Variants in SLCO4C1 observed in about 807,000 individuals in gnomAD.
SLCO4C1 encodes organic anion transporter M1.
SLCO4C1 carries 58 observed loss-of-function variants against 72.1 expected under a neutral mutation model. That is an observed-to-expected ratio of 0.80 (90% CI 0.65 to 1.00). The LOEUF (loss-of-function observed/expected upper bound fraction) is 1.00. Among genes scored for constraint, SLCO4C1 ranks in the 50% least tolerant of loss-of-function variants. The probability of loss-of-function intolerance (pLI) is 0.00; values close to 1 mark genes in which losing one functional copy is unlikely to be tolerated. For missense variants in SLCO4C1, 898 were observed against 857.9 expected, an observed-to-expected ratio of 1.05 and a Z score of -0.58; for synonymous variants, 297 against 312.5, an observed-to-expected ratio of 0.95 and a Z score of 0.52.
At chr5:102,289,780 C>T (rs1749520680) in intron 2 of SLCO4C1, among the ~76,000 whole-genome samples, 1 of 152,188 alleles carries the variant, frequency 6.6e-6, no homozygotes, top group Non-Finnish European at 1.5e-5. Flanking sequence ...TTCTCCTTAT[C>T]TTATTCATTC....
intron 2 of SLCO4C1, among the ~76,000 whole-genome samples, chr5:102,288,316 T>C (rs1314504974): frequency 6.6e-6 from 1 of 152,202 alleles, no homozygotes; most frequent in African/African-American, 2.4e-5. Context: ...TTCCACCTTC[T>C]AGTAAAAACG....
At chr5:102,244,744 T>C (rs1748607040) in intron 10 of SLCO4C1, among the ~76,000 whole-genome samples, 1 of 152,144 alleles carries the variant, frequency 6.6e-6, no homozygotes, top group Admixed American at 6.5e-5. Context: ...CAAGTCATAT[T>C]TAAAATGCTG....
rs1407914440 is a variant in SLCO4C1, at chr5:102,234,536, G to A, written c.*2322C>T. On this transcript the variant is annotated 3_prime_UTR_variant, in exon 13 of 13. Coordinates refer to ENST00000310954, the MANE Select transcript of SLCO4C1 (RefSeq NM_180991.5). ...AACTGAGTATATAAAATACAATGCA[G>A]CCCTTGATAGCTAAGAATCTTTATA... 6.6e-6 allele frequency: 1 copy of A among 152,376 alleles called. No homozygotes were observed. The highest frequency in any genetic ancestry group is 6.5e-5 in the Admixed American group (1 of 15,272). The allele number at this position is 152,376 out of a possible 1,614,324, so 9.4% of individuals were successfully genotyped here.
intron 1 of SLCO4C1, among the ~76,000 whole-genome samples, chr5:102,292,649 A>G (rs1413421484): frequency 2.0e-5 from 3 of 151,920 alleles, no homozygotes; most frequent in African/African-American, 4.8e-5. Flanking sequence ...AGAAAAAAAC[A>G]TATATTTATT....
chr5:102,256,944 A>C (rs1748846961), intron 8 of SLCO4C1, among the ~76,000 whole-genome samples, 171 bp downstream of exon 8: 1 of 152,200 alleles, frequency 6.6e-6, no homozygotes, highest in Non-Finnish European at 1.5e-5. Context: ...CCAACTTTTA[A>C]GAAGACATCA....
chr5:102,267,659 G>A (rs955378539), intron 3 of SLCO4C1, among the ~76,000 whole-genome samples: 2 of 133,622 alleles, frequency 1.5e-5, no homozygotes, highest in Admixed American at 7.6e-5. Context: ...TTCTAATTTT[G>A]GGTTTGTTTG....
chr5:102,238,550 T>C (rs895987276), intron 12 of SLCO4C1, among the ~76,000 whole-genome samples: 3 of 152,126 alleles, frequency 2.0e-5, no homozygotes, highest in African/African-American at 7.2e-5. Flanking sequence ...TTGATCAACC[T>C]GTGTCAAAAT....
Position 102,291,606 on chromosome 5 carries a change from C to T in SLCO4C1, c.356G>A (p.Gly119Asp). The T allele has an allele frequency of 6.3e-7, 1 of 1,597,182 alleles. No homozygotes were observed. The highest frequency in any genetic ancestry group is 8.5e-7 in the Non-Finnish European group (1 of 1,172,076). Residue 119 changes from glycine (G) to aspartate (D), a missense_variant and splice_region_variant, in exon 2 of 13, where the codon GGT (glycine) becomes GAT (aspartate). Gly to Asp is a moderately conservative substitution (Grantham distance 94). Transcript: ENST00000310954. ...LHYCLLAVTQ[G>D]IVVNGLVNIS... The stretch of plus-strand genomic sequence containing the variant: ...ATTTACTAGGCCATTAACTACAATA[C>T]CTAAAAAACAGAAAAGTTGATGTGC...
rs899108287 is a variant in SLCO4C1 at position 102,268,612 on chromosome 5, T to C, written c.802+2012A>G. Among the ~76,000 whole-genome samples, 12 of 152,310 alleles carry C rather than the reference T, an allele frequency of 7.9e-5. No homozygotes were observed. The East Asian group carries it at 1.9e-3, about 24-fold the overall frequency. ...TATTTACATTCAAGGTTGTTATCATTGATAATTGTTTTCTGATTGTTTTAT... is the reference window on the plus strand; with the variant it reads ...TATTTACATTCAAGGTTGTTATCATCGATAATTGTTTTCTGATTGTTTTAT... On this transcript the variant is annotated intron_variant, in intron 3 of 12. Transcript: ENST00000310954.
chr5:102,247,567 C>A, intron 9 of SLCO4C1, 125 bp from the exon 10 acceptor site: 3 of 531,380 alleles, frequency 5.6e-6, no homozygotes, highest in Non-Finnish European at 9.1e-6. Context: ...ACAAATTATG[C>A]TGAGAGAATA....
At chr5:102,279,556 T>A (rs1454428292) in intron 2 of SLCO4C1, among the ~76,000 whole-genome samples, 1 of 151,996 alleles carries the variant, frequency 6.6e-6, no homozygotes, top group Non-Finnish European at 1.5e-5. Flanking sequence ...TCTCAATTTA[T>A]TGTATGAAGT....
chr5:102,261,012 A>G (rs1205324139), intron 5 of SLCO4C1, among the ~76,000 whole-genome samples: 1 of 152,236 alleles, frequency 6.6e-6, no homozygotes, highest in Non-Finnish European at 1.5e-5. Flanking sequence ...ACCTAAAGAA[A>G]AATACTTCTA....
At chr5:102,283,789 G>C (rs1749399311) in intron 2 of SLCO4C1, among the ~76,000 whole-genome samples, 1 of 152,036 alleles carries the variant, frequency 6.6e-6, no homozygotes, top group Non-Finnish European at 1.5e-5. Flanking sequence ...ACAGAAGACA[G>C]TAAGAGTAGG....
At chr5:102,277,344 G>A (rs1352912265) in intron 2 of SLCO4C1, among the ~76,000 whole-genome samples, 1 of 151,936 alleles carries the variant, frequency 6.6e-6, no homozygotes, top group Non-Finnish European at 1.5e-5. Context: ...CCATCAAGAG[G>A]TAATGATCCT....
intron 10 of SLCO4C1, among the ~76,000 whole-genome samples, chr5:102,241,956 A>G (rs1225088134): frequency 6.6e-6 from 1 of 152,216 alleles, no homozygotes; most frequent in African/African-American, 2.4e-5. Context: ...GAGATTAAAA[A>G]AAAACAGTCC....
intron 2 of SLCO4C1, among the ~76,000 whole-genome samples, chr5:102,282,706 T>C (rs1446931457): frequency 6.6e-6 from 1 of 152,028 alleles, no homozygotes; most frequent in Non-Finnish European, 1.5e-5. Context: ...GAGAATGTGA[T>C]GTAAAGATGT....
At chr5:102,280,412 T>C (rs923575836) in intron 2 of SLCO4C1, among the ~76,000 whole-genome samples, 6 of 151,716 alleles carry the variant, frequency 4.0e-5, no homozygotes, top group African/African-American at 1.5e-4. Context: ...TATATATACA[T>C]AACTTGCATG....
Position 102,249,695 on chromosome 5 carries a change from T to C in SLCO4C1, c.1563A>G (p.Gln521=), listed in dbSNP as rs148072603. The C allele has an allele frequency of 4.3e-6, 7 of 1,613,958 alleles. No individual in the cohort carries two copies. The highest frequency in any genetic ancestry group is 5.1e-6 in the Non-Finnish European group (6 of 1,179,938). Residue 521 remains glutamine, a synonymous_variant, in exon 9 of 13, where the codon CAA becomes CAG. Coordinates refer to ENST00000310954, the MANE Select transcript of SLCO4C1 (RefSeq NM_180991.5). ...AGCCTGCAAAGCAGGGAGAAAAATA[T>C]TGGACTCCATCTCCACAGACAGGAT... ...YYYPVCGDGV[Q]YFSPCFAGCS...
chr5:102,289,411 C>T (rs919193479), intron 2 of SLCO4C1, among the ~76,000 whole-genome samples: 6 of 152,126 alleles, frequency 3.9e-5, no homozygotes, highest in Non-Finnish European at 7.4e-5. Flanking sequence ...GAAGTATTTA[C>T]GTTTCAGTTT....
Sources: allele counts gnomAD v4.1 joint callset (sites outside exome capture counted in the v4.1 genomes callset), GRCh38; gene constraint gnomAD v4.1.1; transcripts MANE v1.5; gene names NCBI Gene and HGNC (gene_info 2026-07-23, HGNC 2026-07-21).